The following PLB1 variants were observed in gnomAD, a reference collection of about 807,000 sequenced individuals.
PLB1 encodes phospholipase B1.
PLB1 carries 242 observed loss-of-function variants against 227.4 expected under a neutral mutation model. The observed-to-expected ratio is 1.06, with a 90% CI of 0.96 to 1.18. The LOEUF (loss-of-function observed/expected upper bound fraction) is 1.18, where lower values mean the gene tolerates loss of function less well. PLB1 is among the 50% of genes most tolerant of loss of function. PLB1 has a pLI of 0.00. For synonymous variants in PLB1, 757 were observed against 682.2 expected, an observed-to-expected ratio of 1.11 and a Z score of -1.71; for missense variants, 1,858 against 1,816.3, an observed-to-expected ratio of 1.02 and a Z score of -0.42.
intron 31 of PLB1, 99 bp from the exon 32 acceptor site, chr2:28,592,562 A>C: frequency 1.7e-6 from 2 of 1,202,198 alleles, no homozygotes; most frequent in Non-Finnish European, 2.5e-6. Flanking sequence ...CCCAGTGCTC[A>C]TGCAGATTGT....
chr2:28,601,917 A>G lies in PLB1; in HGVS notation c.2626A>G (p.Asn876Asp), dbSNP rs758502249. 6.2e-7 allele frequency: 1 copy of G among 1,610,526 alleles called. No individual in the cohort carries two copies. The highest frequency in any genetic ancestry group is 8.5e-7 in the Non-Finnish European group (1 of 1,176,874). ...TTTCTAGAATCTGTATTCTGCAGCC[A>G]ACTTTGTTCACCATCTCCGCAATGC... ...CTDSNLYSAA[N>D]FVHHLRNALD... Residue 876 changes from asparagine to aspartate, a missense_variant, in exon 38 of 58, where the codon AAC (asparagine) becomes GAC (aspartate). Transcript: ENST00000327757.
rs1293150517 is a variant in PLB1 at position 28,588,947 on chromosome 2, C to A, written c.1816-503C>A. 3.3e-5 allele frequency among the ~76,000 whole-genome samples: 5 copies of A among 151,960 alleles called. No individual in the cohort carries two copies. In the South Asian group the frequency reaches 1.0e-3, roughly 31 times the overall value. On this transcript the variant is annotated intron_variant, in intron 26 of 57. Transcript: ENST00000327757. ...TTGGGAGGCCGAGGCGGGTGGATCA[C>A]GAGGTCAGGAGTTCGAGACCAGCCT...
chr2:28,604,402 T>TA (rs983029905), intron 40 of PLB1, among the ~76,000 whole-genome samples: 23 of 152,370 alleles, frequency 1.5e-4, no homozygotes, highest in African/African-American at 5.0e-4. Flanking sequence ...CCCAGGTTTT[T>TA]ATCCCTTTTG....
intron 1 of PLB1, among the ~76,000 whole-genome samples, chr2:28,503,014 T>C (rs1032500358): frequency 1.3e-5 from 2 of 152,182 alleles, no homozygotes; most frequent in Non-Finnish European, 2.9e-5. Flanking sequence ...TGGCATAAAA[T>C]TTGTGTATGG....
At chr2:28,558,769 A>T (rs1029127708) in intron 17 of PLB1, among the ~76,000 whole-genome samples, 2 of 152,138 alleles carry the variant, frequency 1.3e-5, no homozygotes, top group Non-Finnish European at 1.5e-5. Context: ...AGAACACTGA[A>T]GAAGGATAGT....
At chr2:28,498,944 A>G (rs1666779810) in intron 1 of PLB1, among the ~76,000 whole-genome samples, 1 of 152,168 alleles carries the variant, frequency 6.6e-6, no homozygotes, top group Non-Finnish European at 1.5e-5. Context: ...GGGAAAATAG[A>G]CATCTTTACA....
chr2:28,632,343 A>G (rs1006070443), intron 55 of PLB1, among the ~76,000 whole-genome samples: 1 of 152,206 alleles, frequency 6.6e-6, no homozygotes, highest in Middle Eastern at 3.4e-3. Context: ...AAGGAAATCA[A>G]TAGTGACTAA....
chr2:28,593,947 C>CTTTTT lies in PLB1; in HGVS notation c.2321+203_2321+207dup, dbSNP rs386389801. On this transcript the variant is annotated intron_variant, in intron 33 of 57. Transcript: ENST00000327757. ...GAGAGGATATTTTACTGTTGATAAT[C>CTTTTT]TTTTTTTTTTTTTTGATTGTGCAGA... The CTTTTT allele has an allele frequency of 5.8e-4, 357 of 618,710 alleles. 16 individuals are homozygous for CTTTTT. Among genetic ancestry groups the CTTTTT allele is most frequent in the Non-Finnish European group, 6.2e-4 (208 of 335,940 alleles). The allele number at this position is 618,710 out of a possible 1,614,324, so 38.3% of individuals were successfully genotyped here.
At chr2:28,578,291 C>G (rs964091551) in intron 22 of PLB1, 133 bp downstream of exon 22, 3 of 815,166 alleles carry the variant, frequency 3.7e-6, no homozygotes, top group Admixed American at 2.2e-5. Flanking sequence ...CACTGCTTCT[C>G]TGGAAAGGGG....
chr2:28,538,662 G>A (rs1326042877), intron 10 of PLB1, among the ~76,000 whole-genome samples: 2 of 152,194 alleles, frequency 1.3e-5, no homozygotes, highest in African/African-American at 4.8e-5. Flanking sequence ...TGAGACTGGG[G>A]CGAGGATAAG....
intron 49 of PLB1, among the ~76,000 whole-genome samples, chr2:28,624,204 C>G (rs1687416114): frequency 6.6e-6 from 1 of 152,160 alleles, no homozygotes; most frequent in African/African-American, 2.4e-5. Context: ...GGTAATCTCT[C>G]CCTCCTGCTC....
At chr2:28,563,539 GAT>G (rs1676377318) in intron 18 of PLB1, among the ~76,000 whole-genome samples, 1 of 146,740 alleles carries the variant, frequency 6.8e-6, no homozygotes, top group South Asian at 2.4e-4. Flanking sequence ...GTGAAGAGAT[GAT>G]GAGACAGGGC....
chr2:28,565,501 G>T, intron 19 of PLB1, 148 bp downstream of exon 19: 1 of 671,772 alleles, frequency 1.5e-6, no homozygotes, highest in Non-Finnish European at 2.5e-6. Context: ...ATTTGAAAAA[G>T]GTATTCACCA....
At chr2:28,585,999 G>GTTTGTATGTATGTA (rs1437806351) in intron 26 of PLB1, among the ~76,000 whole-genome samples, 157 bp downstream of exon 26, 3 of 152,284 alleles carry the variant, frequency 2.0e-5, no homozygotes, top group African/African-American at 7.2e-5. Context: ...CACAGCAGGG[G>GTTTGTATGTATGTA]CTGCTACTTG....
Position 28,550,069 on chromosome 2 carries a change from C to T in PLB1, c.1068C>T (p.Pro356=). ...NSNYLTRLQK[P]QDKLEVREGA... ...ACTACCTGACCAGACTGCAGAAACC[C>T]CAAGACAAGCTTGAGGTAAGGAAAG... The change falls in exon 16 of 58, where the codon CCC becomes CCT. Residue 356 remains proline, a synonymous_variant. Coordinates refer to ENST00000327757, the MANE Select transcript of PLB1 (RefSeq NM_153021.5). 1 of 1,612,614 alleles carries T rather than the reference C, an allele frequency of 6.2e-7. No individual in the cohort carries two copies. Among genetic ancestry groups the T allele is most frequent in the Non-Finnish European group, 8.5e-7 (1 of 1,178,898 alleles).
intron 1 of PLB1, among the ~76,000 whole-genome samples, chr2:28,514,958 G>A (rs1250840277): frequency 6.6e-6 from 1 of 152,098 alleles, no homozygotes; most frequent in African/African-American, 2.4e-5. Context: ...GGGATTACAG[G>A]CATGAGCCAC....
intron 22 of PLB1, among the ~76,000 whole-genome samples, chr2:28,579,258 AAC>A (rs1403419723): frequency 8.5e-5 from 13 of 152,310 alleles, no homozygotes; most frequent in Non-Finnish European, 1.6e-4. Flanking sequence ...AAGATTCTGG[AAC>A]AAACATTCCT....
At chr2:28,578,437 G>C (rs1045258181) in intron 22 of PLB1, among the ~76,000 whole-genome samples, 1 of 152,156 alleles carries the variant, frequency 6.6e-6, no homozygotes, top group Non-Finnish European at 1.5e-5. Context: ...AGACCAATGT[G>C]AAGAATCAAA....
At chr2:28,502,380 G>A (rs1307084222) in intron 1 of PLB1, among the ~76,000 whole-genome samples, 1 of 151,888 alleles carries the variant, frequency 6.6e-6, no homozygotes, top group East Asian at 1.9e-4. Flanking sequence ...TTCATATTAA[G>A]GAAATAACCA....
Sources: allele counts gnomAD v4.1 joint callset (sites outside exome capture counted in the v4.1 genomes callset), GRCh38; gene constraint gnomAD v4.1.1; transcripts MANE v1.5; gene names NCBI Gene and HGNC (gene_info 2026-07-23, HGNC 2026-07-21).